PTK2B: variants seen among roughly 807,000 people sequenced by gnomAD.
PTK2B encodes protein tyrosine kinase 2 beta.
A neutral mutation model predicts 142.9 loss-of-function variants in PTK2B; 71 were observed. That is an observed-to-expected ratio of 0.50 (90% confidence interval 0.41 to 0.61). The LOEUF is 0.61. Among genes scored for constraint, PTK2B ranks in the 20% least tolerant of loss-of-function variants. PTK2B has a pLI of 0.00. For missense variants in PTK2B, 1,105 were observed against 1,320.4 expected (o/e 0.84, Z 2.53); for synonymous variants, 519 against 503.4 (o/e 1.03, Z -0.42).
chr8:27,331,060 C>T (rs1387885397), intron 1 of PTK2B, among the ~76,000 whole-genome samples: 1 of 152,168 alleles, frequency 6.6e-6, no homozygotes, highest in Non-Finnish European at 1.5e-5. Context: ...TTCTGAAATC[C>T]ACCCACACAG....
intron 17 of PTK2B, 21 bp downstream of exon 17, chr8:27,437,517 A>C (rs750014305): frequency 1.3e-6 from 2 of 1,564,786 alleles, no homozygotes; most frequent in Non-Finnish European, 1.7e-6. Context: ...GGACCCTGCG[A>C]TGACAACTGG....
chr8:27,367,355 A>T (rs574732291), intron 1 of PTK2B, among the ~76,000 whole-genome samples: 7 of 152,312 alleles, frequency 4.6e-5, no homozygotes, highest in African/African-American at 1.7e-4. Flanking sequence ...AAGTCCAGAA[A>T]GTCCATCTGG....
chr8:27,457,835 C>T (rs1198962570), intron 30 of PTK2B, among the ~76,000 whole-genome samples: 1 of 151,938 alleles, frequency 6.6e-6, no homozygotes, highest in Non-Finnish European at 1.5e-5. Context: ...ATTAGCCAGG[C>T]GTAATTGCAG....
chr8:27,394,182 G>A (rs1807898310), intron 1 of PTK2B, among the ~76,000 whole-genome samples: 1 of 152,130 alleles, frequency 6.6e-6, no homozygotes, highest in African/African-American at 2.4e-5. Flanking sequence ...GGTACATTCT[G>A]TCCTGGTTCC....
chr8:27,450,687 C>A, intron 24 of PTK2B, 62 bp from the exon 25 acceptor site: 1 of 1,594,760 alleles, frequency 6.3e-7, no homozygotes, highest in Non-Finnish European at 8.6e-7. Context: ...GAGGACTGTC[C>A]CTCCCTGAGT....
At chr8:27,453,805 T>A (rs958838904) in intron 28 of PTK2B, among the ~76,000 whole-genome samples, 2 of 151,670 alleles carry the variant, frequency 1.3e-5, no homozygotes, top group Admixed American at 1.3e-4. Context: ...GCCCAGGAGG[T>A]CAAGGCATTA....
intron 2 of PTK2B, among the ~76,000 whole-genome samples, chr8:27,401,839 G>A (rs1019498463): frequency 6.6e-6 from 1 of 152,238 alleles, no homozygotes; most frequent in Non-Finnish European, 1.5e-5. Flanking sequence ...TCAAATGAGA[G>A]ATGACAGTAG....
chr8:27,453,943 CACT>C (rs1811979973), intron 28 of PTK2B: 1 of 591,172 alleles, frequency 1.7e-6, no homozygotes. Flanking sequence ...GTGAGGCTAC[CACT>C]AGTATTCCGT....
At chr8:27,440,194 C>G in intron 20 of PTK2B, 43 bp from the exon 21 acceptor site, 3 of 1,589,568 alleles carry the variant, frequency 1.9e-6, no homozygotes, top group Non-Finnish European at 2.6e-6. Context: ...GTGGGAGGGA[C>G]TGGTCTCCCC....
intron 1 of PTK2B, among the ~76,000 whole-genome samples, chr8:27,331,917 A>C (rs1341960780): frequency 1.3e-5 from 2 of 152,144 alleles, no homozygotes; most frequent in African/African-American, 4.8e-5. Context: ...CCTCTCACCC[A>C]GCTCCATGTA....
chr8:27,395,011 A>G (rs1807956266), intron 1 of PTK2B, among the ~76,000 whole-genome samples: 1 of 152,164 alleles, frequency 6.6e-6, no homozygotes, highest in Non-Finnish European at 1.5e-5. Context: ...GTATGAGAGT[A>G]ATGTCTTCTT....
At chr8:27,441,894 A>G (rs3736527) in intron 21 of PTK2B, among the ~76,000 whole-genome samples, 1 of 151,756 alleles carries the variant, frequency 6.6e-6, no homozygotes, top group African/African-American at 2.4e-5. Context: ...AGGTGTTCCC[A>G]TCATCTCCTG....
chr8:27,421,225 T>C (rs1809725958), intron 4 of PTK2B, among the ~76,000 whole-genome samples: 1 of 152,204 alleles, frequency 6.6e-6, no homozygotes, highest in Admixed American at 6.5e-5. Context: ...GATGATATCA[T>C]TGGCTGCTAA....
chr8:27,453,418 C>T (rs1359645046), intron 28 of PTK2B, among the ~76,000 whole-genome samples: 1 of 152,212 alleles, frequency 6.6e-6, no homozygotes, highest in Non-Finnish European at 1.5e-5. Context: ...GCTCCCTGGT[C>T]CAGCTTCAGG....
chr8:27,452,991 G>A lies in PTK2B; in HGVS notation c.2549-123G>A, dbSNP rs80318860. 6.3e-4 allele frequency: 746 copies of A among 1,192,680 alleles called. 5 individuals carry two copies. In the African/African-American group the frequency reaches 0.01, roughly 16 times the overall value. 73.9% of individuals were successfully genotyped at this position (1,192,680 alleles called of 1,614,324 possible). ...TTCCCCTGCCCGCTTCCTGGATTCA[G>A]AGTTAATTTCCCTGAAGTCTCCTGG... On this transcript the variant is annotated intron_variant, in intron 27 of 30. Transcript: ENST00000346049.
Position 27,430,491 on chromosome 8 carries a change from C to G in PTK2B, c.669+73C>G, listed in dbSNP as rs1166221145. ...TAGAGTGTAAGGGATGAGGCTGGGG[C>G]TGGGGATACTCAGAGAAGCCAGGGT... On this transcript the variant is annotated intron_variant, in intron 7 of 30. Coordinates refer to ENST00000346049, the MANE Select transcript of PTK2B (RefSeq NM_173176.3). 3 of 1,580,540 alleles carry G rather than the reference C, an allele frequency of 1.9e-6. No homozygotes were observed. The South Asian group carries it at 3.3e-5, about 18-fold the overall frequency.
At chr8:27,430,761 C>T in intron 7 of PTK2B, 115 bp from the exon 8 acceptor site, 1 of 1,410,968 alleles carries the variant, frequency 7.1e-7, no homozygotes, top group South Asian at 1.3e-5. Context: ...GCTTTTGGGG[C>T]AAAGGCCCTG....
chr8:27,353,333 T>A (rs1462890922), intron 1 of PTK2B, among the ~76,000 whole-genome samples: 2 of 152,130 alleles, frequency 1.3e-5, no homozygotes, highest in East Asian at 3.8e-4. Flanking sequence ...CACCCTTGGC[T>A]TTGGGATGGC....
chr8:27,344,570 A>G lies in PTK2B; in HGVS notation c.-38+18889A>G, dbSNP rs184874112. 4.2e-3 allele frequency among the ~76,000 whole-genome samples: 642 copies of G among 152,356 alleles called. 12 individuals carry two copies. Among genetic ancestry groups the G allele is most frequent in the Non-Finnish European group, 2.9e-3 (195 of 68,038 alleles). ...TTCAATCCATGTAGCTGTTACTTGTATTGATGGCATATATTACTAGAAGAC... is the reference window on the plus strand; with the variant it reads ...TTCAATCCATGTAGCTGTTACTTGTGTTGATGGCATATATTACTAGAAGAC... On this transcript the variant is annotated intron_variant, in intron 1 of 30. Coordinates refer to ENST00000346049, the MANE Select transcript of PTK2B (RefSeq NM_173176.3).
Sources: allele counts gnomAD v4.1 joint callset (sites outside exome capture counted in the v4.1 genomes callset), GRCh38; gene constraint gnomAD v4.1.1; transcripts MANE v1.5; gene names NCBI Gene and HGNC (gene_info 2026-07-23, HGNC 2026-07-21).